HTR2C: variants seen among roughly 807,000 people sequenced by gnomAD.
HTR2C encodes the protein 5-hydroxytryptamine receptor 2C.
A neutral mutation model predicts 21.0 loss-of-function variants in HTR2C; 5 were observed. The observed-to-expected ratio is 0.24, with a 90% CI of 0.12 to 0.50. The LOEUF (loss-of-function observed/expected upper bound fraction) is 0.50, where lower values mean the gene tolerates loss of function less well. HTR2C is among the 20% of genes least tolerant of loss of function. HTR2C has a pLI of 0.98. For missense variants in HTR2C, 271 were observed against 371.2 expected (o/e 0.73, Z 2.22); for synonymous variants, 150 against 145.3 (o/e 1.03, Z -0.23).
intron 5 of HTR2C, among the ~76,000 whole-genome samples, chrX:114,850,490 A>G (rs781884912): frequency 1.4e-4 from 16 of 111,430 alleles, no homozygotes; most frequent in African/African-American, 5.2e-4. Context: ...TTCCAAATTT[A>G]CAGAAGATTA....
At chrX:114,879,796 C>T (rs1169509762) in intron 5 of HTR2C, among the ~76,000 whole-genome samples, 1 of 110,927 alleles carries the variant, frequency 9.0e-6, no homozygotes, top group Admixed American at 9.7e-5. Flanking sequence ...AGTAGTATTC[C>T]ATCATACATA....
intron 5 of HTR2C, among the ~76,000 whole-genome samples, chrX:114,867,493 G>C (rs6579545): frequency 9.1e-6 from 1 of 109,381 alleles, no homozygotes; most frequent in Non-Finnish European, 1.9e-5. Flanking sequence ...TTTGTTGTGC[G>C]GAAGGTTTTT....
At chrX:114,862,524 C>T (rs2071014106) in intron 5 of HTR2C, among the ~76,000 whole-genome samples, 2 of 110,756 alleles carry the variant, frequency 1.8e-5, no homozygotes, top group Admixed American at 9.7e-5. Context: ...AGGAAGGCAT[C>T]GGGATTTTTA....
intron 5 of HTR2C, among the ~76,000 whole-genome samples, chrX:114,903,360 A>T (rs1190983868): frequency 8.9e-6 from 1 of 112,680 alleles, no homozygotes; most frequent in Non-Finnish European, 1.9e-5. Context: ...TACCTGTCTT[A>T]TAAAGTTTTT....
rs782134046 is a variant in HTR2C at position 114,697,924 on chromosome X, T to A, written c.-79-28934T>A. Among the ~76,000 whole-genome samples the A allele has an allele frequency of 6.2e-5, 7 of 112,176 alleles. No individual in the cohort carries two copies. In the East Asian group the frequency reaches 2.0e-3, roughly 32 times the overall value. The stretch of plus-strand genomic sequence containing the variant: ...TGTTTAATGTCTCACAAGGATGAAG[T>A]CTAGGTGCCAGCTGGGCCCAGCTCT... On this transcript the variant is annotated intron_variant, in intron 2 of 5. Transcript: ENST00000276198.
chrX:114,764,310 A>C (rs1474237951), intron 4 of HTR2C, among the ~76,000 whole-genome samples: 5 of 109,063 alleles, frequency 4.6e-5, no homozygotes, highest in Admixed American at 4.0e-4. Context: ...AGGCAGGAGA[A>C]TCTCTTGAAC....
At chrX:114,726,392 C>T (rs1010376053) in intron 2 of HTR2C, among the ~76,000 whole-genome samples, 7 of 112,182 alleles carry the variant, frequency 6.2e-5, no homozygotes, top group Non-Finnish European at 1.3e-4. Context: ...GGTGCGTGCA[C>T]CCACTGACCT....
chrX:114,863,491 G>A (rs1373615735), intron 5 of HTR2C, among the ~76,000 whole-genome samples: 1 of 111,412 alleles, frequency 9.0e-6, no homozygotes, highest in Non-Finnish European at 1.9e-5. Flanking sequence ...ATTGTAATCT[G>A]AAATGACACT....
chrX:114,591,210 T>G (rs1179721390), intron 1 of HTR2C, among the ~76,000 whole-genome samples: 1 of 111,538 alleles, frequency 9.0e-6, no homozygotes, highest in African/African-American at 3.3e-5. Context: ...TAGTTTTAAA[T>G]GTAATGTTAG....
At chrX:114,606,425 A>T (rs1235969496) in intron 1 of HTR2C, among the ~76,000 whole-genome samples, 4 of 111,704 alleles carry the variant, frequency 3.6e-5, no homozygotes, top group Non-Finnish European at 5.6e-5. Context: ...ATAATCAGAG[A>T]GGCGTCCCTG....
intron 5 of HTR2C, among the ~76,000 whole-genome samples, chrX:114,850,221 C>T (rs1487187004): frequency 2.7e-5 from 3 of 110,485 alleles, no homozygotes; most frequent in African/African-American, 9.9e-5. Context: ...CTAGCCTGGA[C>T]AACATGATGA....
intron 4 of HTR2C, among the ~76,000 whole-genome samples, chrX:114,761,554 CA>C (rs2069866270): frequency 9.0e-6 from 1 of 110,859 alleles, no homozygotes; most frequent in Non-Finnish European, 1.9e-5. Flanking sequence ...AGGCATTCTG[CA>C]AAAAATTTCA....
intron 4 of HTR2C, among the ~76,000 whole-genome samples, chrX:114,806,945 C>T (rs868943897): frequency 1.3e-5 from 1 of 74,245 alleles, no homozygotes; most frequent in African/African-American, 5.2e-5. Flanking sequence ...ATGTATATAC[C>T]ATATATACCA....
intron 4 of HTR2C, among the ~76,000 whole-genome samples, chrX:114,781,814 T>TAAAA: frequency 1.1e-5 from 1 of 91,942 alleles, no homozygotes; most frequent in Non-Finnish European, 2.1e-5. Context: ...CCCCGCCGTC[T>TAAAA]AAAAAAAAAA....
chrX:114,704,785 C>T (rs782570116), intron 2 of HTR2C, among the ~76,000 whole-genome samples: 1 of 109,476 alleles, frequency 9.1e-6, no homozygotes, highest in Admixed American at 9.9e-5. Context: ...TTGCAGATGA[C>T]ATGATTGTAT....
At chrX:114,749,453 C>CAAAAAAAAAAAAAAAAAAAA (rs782652879) in intron 4 of HTR2C, among the ~76,000 whole-genome samples, 2 of 41,906 alleles carry the variant, frequency 4.8e-5, no homozygotes, top group Non-Finnish European at 7.5e-5. Flanking sequence ...GTCCATGTCT[C>CAAAAAAAAAAAAAAAAAAAA]AAAAAAAAAA....
At chrX:114,688,872 G>T (rs1932011492) in intron 2 of HTR2C, among the ~76,000 whole-genome samples, 1 of 109,740 alleles carries the variant, frequency 9.1e-6, no homozygotes, top group South Asian at 4.0e-4. Flanking sequence ...GGGTACAGGT[G>T]GTTTTTAGTT....
At chrX:114,889,397 A>G (rs2071243194) in intron 5 of HTR2C, among the ~76,000 whole-genome samples, 1 of 111,970 alleles carries the variant, frequency 8.9e-6, no homozygotes, top group African/African-American at 3.2e-5. Flanking sequence ...CCTCAAGGTC[A>G]GACAGAAGTG....
At chrX:114,727,914 G>A (rs1299424981) in intron 3 of HTR2C, among the ~76,000 whole-genome samples, 1 of 111,642 alleles carries the variant, frequency 9.0e-6, no homozygotes, top group Admixed American at 9.6e-5. Flanking sequence ...GAAGGGAAAA[G>A]AAGAGTTGGG....
Sources: gnomAD v4.1 joint callset for allele counts (sites outside exome capture counted in the v4.1 genomes callset) on GRCh38, gnomAD v4.1.1 for gene constraint, MANE v1.5 for transcripts, NCBI Gene and HGNC (gene_info 2026-07-23, HGNC 2026-07-21) for gene names.